GALNT13: variants seen among roughly 807,000 people sequenced by gnomAD.
GALNT13 encodes the protein UDP-GalNAc:polypeptide N-acetylgalactosaminyltransferase 13.
GALNT13 carries 28 observed loss-of-function variants against 64.2 expected under a neutral mutation model. That is an observed-to-expected ratio of 0.44 (90% CI 0.32 to 0.60). The LOEUF (loss-of-function observed/expected upper bound fraction) is 0.60. Among genes scored for constraint, GALNT13 ranks in the 20% least tolerant of loss-of-function variants. The pLI is 0.05. For missense variants in GALNT13, 577 were observed against 669.8 expected (o/e 0.86, Z 1.53); for synonymous variants, 214 against 224.6 (o/e 0.95, Z 0.42).
the GALNT13 span, among the ~76,000 whole-genome samples, chr2:153,719,589 G>A: frequency 0.015 from 2,256 of 152,260 alleles, 55 homozygotes; most frequent in African/African-American, 0.052. Flanking sequence ...AGTGGGCGCA[G>A]GCCAGTGGGT....
upstream of GALNT13, among the ~76,000 whole-genome samples, chr2:153,868,624 C>T (rs560820104): frequency 1.2e-4 from 19 of 152,222 alleles, no homozygotes; most frequent in South Asian, 2.5e-3. Flanking sequence ...CCTTTATTTC[C>T]CTTTAGAATG....
At chr2:153,500,804 CAAAG>C in the GALNT13 span, among the ~76,000 whole-genome samples, 1 of 152,050 alleles carries the variant, frequency 6.6e-6, no homozygotes, top group African/African-American at 2.4e-5. Context: ...ACCTGATTGA[CAAAG>C]AAATTTGGTT....
chr2:153,434,731 C>T, the GALNT13 span, among the ~76,000 whole-genome samples: 1 of 151,874 alleles, frequency 6.6e-6, no homozygotes, highest in Non-Finnish European at 1.5e-5. Context: ...GGATATTAGC[C>T]CTTTGTCAGA....
chr2:153,102,751 G>C, the GALNT13 span, among the ~76,000 whole-genome samples: 4 of 152,040 alleles, frequency 2.6e-5, no homozygotes, highest in Admixed American at 6.6e-5. Flanking sequence ...CCTTTAACTT[G>C]GTTATCAGCT....
chr2:153,393,329 C>A, the GALNT13 span, among the ~76,000 whole-genome samples: 1 of 150,346 alleles, frequency 6.7e-6, no homozygotes, highest in Admixed American at 6.7e-5. Context: ...TCTCTAGTTT[C>A]TTTGTCTTGT....
chr2:153,635,210 C>T, the GALNT13 span, among the ~76,000 whole-genome samples: 1 of 151,846 alleles, frequency 6.6e-6, no homozygotes, highest in Admixed American at 6.6e-5. Flanking sequence ...GCTTCCTGCC[C>T]AGTTGAAACA....
At chr2:154,210,341 A>G (rs1286387049) in intron 4 of GALNT13, among the ~76,000 whole-genome samples, 1 of 152,158 alleles carries the variant, frequency 6.6e-6, no homozygotes, top group Non-Finnish European at 1.5e-5. Flanking sequence ...AATCTTTTGG[A>G]TATATACCCA....
intron 8 of GALNT13, among the ~76,000 whole-genome samples, chr2:154,288,244 G>C (rs571923854): frequency 1.9e-4 from 29 of 152,040 alleles, no homozygotes; most frequent in African/African-American, 7.0e-4. Context: ...CAGCATGGGG[G>C]TAACCACCCC....
intron 2 of GALNT13, among the ~76,000 whole-genome samples, chr2:153,915,152 G>A (rs1459680637): frequency 6.6e-6 from 1 of 152,124 alleles, no homozygotes; most frequent in African/African-American, 2.4e-5. Context: ...TGCCCATTCA[G>A]CAAGGTTTGA....
chr2:154,166,584 C>A (rs963021855), intron 4 of GALNT13, among the ~76,000 whole-genome samples: 1 of 152,166 alleles, frequency 6.6e-6, no homozygotes, highest in African/African-American at 2.4e-5. Context: ...CCTCAAGGAT[C>A]TAGAACTAGA....
intron 11 of GALNT13, among the ~76,000 whole-genome samples, chr2:154,415,695 A>T (rs537098849): frequency 6.6e-6 from 1 of 152,278 alleles, no homozygotes; most frequent in East Asian, 1.9e-4. Context: ...GAGTAAACAA[A>T]TACTTTGTTT....
the GALNT13 span, among the ~76,000 whole-genome samples, chr2:153,724,256 A>G: frequency 1.3e-3 from 194 of 144,112 alleles, 7 homozygotes; most frequent in African/African-American, 5.1e-3. Context: ...AGCCATATGT[A>G]GAAAGCTGAA....
chr2:153,523,884 A>G, the GALNT13 span, among the ~76,000 whole-genome samples: 1 of 152,154 alleles, frequency 6.6e-6, no homozygotes, highest in East Asian at 1.9e-4. Flanking sequence ...AATCTTAGTG[A>G]GAAAGATTTG....
chr2:154,004,139 A>G (rs1696095314), intron 3 of GALNT13, among the ~76,000 whole-genome samples: 1 of 152,152 alleles, frequency 6.6e-6, no homozygotes, highest in Non-Finnish European at 1.5e-5. Context: ...ATTTTTCTCC[A>G]TAGAATTATT....
At chr2:153,997,157 C>G (rs1037837471) in intron 3 of GALNT13, among the ~76,000 whole-genome samples, 15 of 151,918 alleles carry the variant, frequency 9.9e-5, no homozygotes, top group African/African-American at 3.6e-4. Flanking sequence ...TATTCTGGGT[C>G]TTTTGTGGTT....
At chr2:153,788,134 A>G in the GALNT13 span, among the ~76,000 whole-genome samples, 3 of 152,192 alleles carry the variant, frequency 2.0e-5, no homozygotes, top group African/African-American at 7.2e-5. Flanking sequence ...CTCAAGATAC[A>G]TAATCATCAG....
At chr2:153,182,462 G>C in the GALNT13 span, among the ~76,000 whole-genome samples, 57 of 152,258 alleles carry the variant, frequency 3.7e-4, no homozygotes, top group African/African-American at 1.3e-3. Flanking sequence ...TAACTTTTAA[G>C]TTCAGGGGTA....
chr2:153,533,723 CTTTTT>C, the GALNT13 span, among the ~76,000 whole-genome samples: 335 of 48,726 alleles, frequency 6.9e-3, 1 homozygote, highest in Admixed American at 0.016. Context: ...TGAGGTTTTT[CTTTTT>C]TTTTTTTTTT....
chr2:154,169,254 A>G (rs35193938), intron 4 of GALNT13, among the ~76,000 whole-genome samples: 29,751 of 152,168 alleles, frequency 0.2, 3,493 homozygotes, highest in Non-Finnish European at 0.26. Flanking sequence ...AACCATATCC[A>G]CACTATAGCA....
Sources: gnomAD v4.1 joint callset for allele counts (sites outside exome capture counted in the v4.1 genomes callset) on GRCh38, gnomAD v4.1.1 for gene constraint, MANE v1.5 for transcripts, NCBI Gene and HGNC (gene_info 2026-07-23, HGNC 2026-07-21) for gene names.